Variants in JCAD observed in about 807,000 individuals in gnomAD.
JCAD encodes junctional cadherin 5-associated protein.
JCAD carries 40 observed loss-of-function variants against 98.0 expected under a neutral mutation model. That is an observed-to-expected ratio of 0.41 (90% confidence interval 0.32 to 0.53). The LOEUF is 0.53. Ranked by LOEUF, JCAD falls within the 20% of genes least tolerant of loss-of-function variation. The probability of loss-of-function intolerance (pLI) is 0.31; values close to 1 mark genes in which losing one functional copy is unlikely to be tolerated. For missense variants in JCAD, 1,705 were observed against 1,738.1 expected (o/e 0.98, Z 0.34); for synonymous variants, 691 against 682.3 (o/e 1.01, Z -0.20).
At chr10:30,108,511 C>T (rs1838628765) in intron 1 of JCAD, among the ~76,000 whole-genome samples, 1 of 152,120 alleles carries the variant, frequency 6.6e-6, no homozygotes, top group African/African-American at 2.4e-5. Context: ...GGAACAGAAC[C>T]ACAGTACACA....
At chr10:30,090,545 A>C (rs1429933841) in intron 1 of JCAD, among the ~76,000 whole-genome samples, 1 of 148,246 alleles carries the variant, frequency 6.7e-6, no homozygotes, top group South Asian at 2.3e-4. Context: ...TGTCTCAGGA[A>C]AGGAAAGGAA....
chr10:30,047,100 C>T (rs547468091), intron 2 of JCAD, among the ~76,000 whole-genome samples: 48 of 151,970 alleles, frequency 3.2e-4, no homozygotes, highest in African/African-American at 1.1e-3. Flanking sequence ...AAAAGGTGGC[C>T]GGGTGCAGTG....
At chr10:30,106,854 A>T (rs1341751882) in intron 1 of JCAD, among the ~76,000 whole-genome samples, 2 of 151,952 alleles carry the variant, frequency 1.3e-5, no homozygotes, top group Non-Finnish European at 2.9e-5. Flanking sequence ...TCCCCATTTG[A>T]TTTCTCAATT....
At chr10:30,042,399 C>A (rs781370283) in intron 2 of JCAD, among the ~76,000 whole-genome samples, 2 of 152,000 alleles carry the variant, frequency 1.3e-5, no homozygotes, top group African/African-American at 4.8e-5. Flanking sequence ...TAACCCAGTA[C>A]TCAAGCATCC....
intron 1 of JCAD, among the ~76,000 whole-genome samples, chr10:30,103,606 G>A (rs1443854635): frequency 1.5e-5 from 2 of 130,814 alleles, no homozygotes; most frequent in Non-Finnish European, 3.2e-5. Context: ...GTATATTTAT[G>A]TATAAATACA....
chr10:30,104,665 A>G (rs962359953), intron 1 of JCAD, among the ~76,000 whole-genome samples: 5 of 152,314 alleles, frequency 3.3e-5, no homozygotes, highest in Middle Eastern at 3.4e-3. Flanking sequence ...CCCAAACCTC[A>G]GCATCCCACA....
intron 1 of JCAD, among the ~76,000 whole-genome samples, chr10:30,111,635 A>G (rs1838704660): frequency 6.6e-6 from 1 of 152,220 alleles, no homozygotes; most frequent in African/African-American, 2.4e-5. Context: ...AAAGCTATGT[A>G]TAAAGAAAAA....
chr10:30,102,977 T>G (rs1301262622), intron 1 of JCAD, among the ~76,000 whole-genome samples: 2 of 152,078 alleles, frequency 1.3e-5, no homozygotes, highest in Admixed American at 1.3e-4. Context: ...CCCACCCCCA[T>G]GATTCAATTA....
At chr10:30,086,683 A>ATATGCTGG (rs1261790996) in intron 1 of JCAD, among the ~76,000 whole-genome samples, 2 of 152,224 alleles carry the variant, frequency 1.3e-5, no homozygotes, top group Non-Finnish European at 2.9e-5. Context: ...CCCAGAGCAC[A>ATATGCTGG]TATGCTGGAT....
upstream of JCAD, among the ~76,000 whole-genome samples, chr10:30,063,422 G>C (rs1261055279): frequency 6.6e-6 from 1 of 152,044 alleles, no homozygotes; most frequent in Non-Finnish European, 1.5e-5. Context: ...AAAAATAAAA[G>C]CCAAGATCTT....
At chr10:30,055,451 T>C (rs1355655415) in intron 1 of JCAD, among the ~76,000 whole-genome samples, 1 of 152,264 alleles carries the variant, frequency 6.6e-6, no homozygotes, top group African/African-American at 2.4e-5. Flanking sequence ...TTTAATGCTT[T>C]CCACAGATTT....
At chr10:30,044,740 C>T in intron 2 of JCAD, 1 of 917,558 alleles carries the variant, frequency 1.1e-6, no homozygotes, top group South Asian at 5.0e-5. Context: ...TTTCCCAAAG[C>T]ACTTTGTTTC....
chr10:30,025,077 G>T (rs1436377124), intron 3 of JCAD, among the ~76,000 whole-genome samples: 4 of 152,142 alleles, frequency 2.6e-5, no homozygotes, highest in Non-Finnish European at 5.9e-5. Flanking sequence ...AAATTCTTGG[G>T]TTTCAAAACA....
At chr10:30,077,268 T>C (rs1226709608) in intron 1 of JCAD, among the ~76,000 whole-genome samples, 1 of 152,104 alleles carries the variant, frequency 6.6e-6, no homozygotes, top group Non-Finnish European at 1.5e-5. Context: ...AATTGGCCTT[T>C]CTATCCTTTT....
intron 2 of JCAD, among the ~76,000 whole-genome samples, chr10:30,036,293 C>CA (rs1373715577): frequency 3.9e-5 from 6 of 151,982 alleles, no homozygotes; most frequent in Non-Finnish European, 7.4e-5. Context: ...ACTAAAAATA[C>CA]AAAAAATTAG....
At chr10:30,044,904 G>A (rs976622396) in intron 2 of JCAD, 4 of 481,580 alleles carry the variant, frequency 8.3e-6, no homozygotes, top group Non-Finnish European at 1.1e-5. Context: ...TGGCAGGGAT[G>A]TCTGCAAACA....
intron 3 of JCAD, 194 bp downstream of exon 3, chr10:30,025,909 G>A: frequency 1.5e-6 from 1 of 674,544 alleles, no homozygotes; most frequent in South Asian, 1.9e-5. Flanking sequence ...AAAATATACT[G>A]CAAGATCTTG....
At chr10:30,107,595 C>G (rs533221055) in intron 1 of JCAD, among the ~76,000 whole-genome samples, 12 of 152,324 alleles carry the variant, frequency 7.9e-5, no homozygotes, top group African/African-American at 2.4e-4. Context: ...GAGCAGCCGT[C>G]GCCACTGCTC....
In JCAD at chr10:30,028,436, GA is replaced by G. The variant is rs759784028; in HGVS notation, c.1711del (p.Ser571GlnfsTer5). 6.2e-7 allele frequency: 1 copy of G among 1,613,698 alleles called. No individual in the cohort carries two copies. Among genetic ancestry groups the G allele is most frequent in the South Asian group, 1.1e-5 (1 of 91,020 alleles). ...TATAGTCTCGTTCATTTTTTTCTTTGAACTTTTCTTGGTCCGAGTCCCAGTT... is the reference window on the plus strand; with the variant it reads ...TATAGTCTCGTTCATTTTTTTCTTTGACTTTTCTTGGTCCGAGTCCCAGTT... ...FQTGTRTKKS[S>X]KKKMNETIFC... On this transcript the variant is annotated frameshift_variant, in exon 3 of 4. Coordinates refer to ENST00000375377, the MANE Select transcript of JCAD (RefSeq NM_020848.4). LOFTEE classifies it high-confidence loss of function.
Sources: gnomAD v4.1 joint callset for allele counts (sites outside exome capture counted in the v4.1 genomes callset) on GRCh38, gnomAD v4.1.1 for gene constraint, MANE v1.5 for transcripts, NCBI Gene and HGNC (gene_info 2026-07-23, HGNC 2026-07-21) for gene names.